The following THSD7B variants were observed in gnomAD, a reference collection of about 807,000 sequenced individuals.
The protein encoded by THSD7B is thrombospondin type 1 domain containing 7B.
THSD7B carries 138 observed loss-of-function variants against 213.6 expected under a neutral mutation model. The ratio of observed to expected loss-of-function variants is 0.65; its 90% CI spans 0.56 to 0.74. The LOEUF is 0.74. Ranked by LOEUF, THSD7B falls within the 30% of genes least tolerant of loss-of-function variation. THSD7B has a pLI of 0.00. For missense variants in THSD7B, 1,931 were observed against 1,991.5 expected (o/e 0.97, Z 0.58); for synonymous variants, 742 against 687.0 (o/e 1.08, Z -1.25).
At chr2:136,916,137 T>A (rs1438520592) in intron 2 of THSD7B, among the ~76,000 whole-genome samples, 1 of 151,976 alleles carries the variant, frequency 6.6e-6, no homozygotes, top group Non-Finnish European at 1.5e-5. Context: ...CTTGTTTTTA[T>A]TTTTTTTAAT....
At chr2:137,319,213 GT>G (rs2104876498) in intron 12 of THSD7B, among the ~76,000 whole-genome samples, 1 of 151,254 alleles carries the variant, frequency 6.6e-6, no homozygotes, top group East Asian at 1.9e-4. Context: ...TATACTGTAA[GT>G]ATATATTTCT....
At chr2:137,330,910 G>A (rs558120473) in intron 12 of THSD7B, among the ~76,000 whole-genome samples, 11 of 152,234 alleles carry the variant, frequency 7.2e-5, no homozygotes, top group Admixed American at 6.5e-4. Flanking sequence ...GCGCTGATTG[G>A]TGCATTTACA....
intron 2 of THSD7B, among the ~76,000 whole-genome samples, chr2:136,987,784 T>C (rs548363555): frequency 6.6e-6 from 1 of 152,292 alleles, no homozygotes; most frequent in East Asian, 1.9e-4. Flanking sequence ...CACTTTCCAT[T>C]TGACAAAAAG....
chr2:137,606,254 G>A (rs1360723455), intron 17 of THSD7B, among the ~76,000 whole-genome samples: 1 of 152,170 alleles, frequency 6.6e-6, no homozygotes, highest in African/African-American at 2.4e-5. Context: ...AATACATCCT[G>A]TATGAGGAGA....
At chr2:137,270,020 C>A (rs1477817191) in intron 10 of THSD7B, among the ~76,000 whole-genome samples, 1 of 152,004 alleles carries the variant, frequency 6.6e-6, no homozygotes, top group African/African-American at 2.4e-5. Flanking sequence ...TGGTTTAGGA[C>A]CTGGGCTAGT....
At chr2:137,047,132 G>T (rs1686985751) in intron 2 of THSD7B, among the ~76,000 whole-genome samples, 1 of 152,178 alleles carries the variant, frequency 6.6e-6, no homozygotes, top group Non-Finnish European at 1.5e-5. Context: ...GATTCTTGAA[G>T]GCGGAATGGG....
intron 20 of THSD7B, among the ~76,000 whole-genome samples, chr2:137,640,248 T>C (rs535818730): frequency 3.3e-5 from 5 of 152,264 alleles, no homozygotes; most frequent in African/African-American, 1.2e-4. Flanking sequence ...TATCAGGGGT[T>C]TCCGCTTTTG....
chr2:137,520,228 A>AT (rs1213402798), intron 15 of THSD7B, among the ~76,000 whole-genome samples: 1 of 152,188 alleles, frequency 6.6e-6, no homozygotes, highest in Non-Finnish European at 1.5e-5. Flanking sequence ...AGGAAAAAAA[A>AT]GCTCTTGGAT....
chr2:137,246,534 A>T (rs997812126), intron 10 of THSD7B, among the ~76,000 whole-genome samples: 1 of 152,162 alleles, frequency 6.6e-6, no homozygotes, highest in African/African-American at 2.4e-5. Flanking sequence ...TCCCGGCTTG[A>T]TTCAAGAGCT....
At chr2:137,355,011 A>G (rs185236879) in intron 12 of THSD7B, among the ~76,000 whole-genome samples, 23 of 152,340 alleles carry the variant, frequency 1.5e-4, no homozygotes, top group South Asian at 8.3e-4. Flanking sequence ...CAAAGTAAAC[A>G]GCCAAATCAA....
At chr2:137,503,749 G>A (rs1055382007) in intron 15 of THSD7B, among the ~76,000 whole-genome samples, 3 of 152,052 alleles carry the variant, frequency 2.0e-5, no homozygotes, top group Admixed American at 2.0e-4. Context: ...AAAGTGAGCC[G>A]GGCGCGGTAG....
intron 2 of THSD7B, among the ~76,000 whole-genome samples, chr2:136,977,011 T>G (rs1685492106): frequency 6.6e-6 from 1 of 152,194 alleles, no homozygotes; most frequent in African/African-American, 2.4e-5. Context: ...TCCCTCCTTT[T>G]AAATTGTTTG....
intron 5 of THSD7B, among the ~76,000 whole-genome samples, chr2:137,147,726 C>A (rs2104971220): frequency 6.6e-6 from 1 of 152,218 alleles, no homozygotes; most frequent in South Asian, 2.1e-4. Flanking sequence ...GCTTGATTCA[C>A]CCCGTGGGCT....
chr2:137,454,591 G>C (rs1392231662), intron 15 of THSD7B, among the ~76,000 whole-genome samples: 1 of 151,996 alleles, frequency 6.6e-6, no homozygotes, highest in South Asian at 2.1e-4. Context: ...ATAGAGCTTT[G>C]TTTGATGTTA....
chr2:137,296,151 CT>C (rs1174558993), intron 12 of THSD7B, among the ~76,000 whole-genome samples: 1 of 152,062 alleles, frequency 6.6e-6, no homozygotes, highest in Non-Finnish European at 1.5e-5. Flanking sequence ...TTGCAAATTT[CT>C]TTTGCATGTT....
At chr2:137,146,777 A>G (rs1047251079) in intron 5 of THSD7B, among the ~76,000 whole-genome samples, 16 of 152,270 alleles carry the variant, frequency 1.1e-4, no homozygotes, top group Middle Eastern at 6.8e-3. Flanking sequence ...GGAGGAAAAG[A>G]CAATTAGGAA....
intron 17 of THSD7B, among the ~76,000 whole-genome samples, chr2:137,604,767 T>G (rs1682140891): frequency 6.6e-6 from 1 of 152,210 alleles, no homozygotes; most frequent in Non-Finnish European, 1.5e-5. Flanking sequence ...CTAATATCTT[T>G]TCCATTTTGG....
chr2:136,939,522 T>G (rs1435196881), intron 2 of THSD7B, among the ~76,000 whole-genome samples: 1 of 152,174 alleles, frequency 6.6e-6, no homozygotes, highest in African/African-American at 2.4e-5. Context: ...AGAATTCCTG[T>G]CAGGTTGGAT....
chr2:136,906,265 C>T (rs1008261257), intron 2 of THSD7B, among the ~76,000 whole-genome samples: 1 of 152,132 alleles, frequency 6.6e-6, no homozygotes, highest in South Asian at 2.1e-4. Context: ...AGCTTCCTAA[C>T]TTTAAATACC....
Sources: gnomAD v4.1 joint callset for allele counts (sites outside exome capture counted in the v4.1 genomes callset) on GRCh38, gnomAD v4.1.1 for gene constraint, MANE v1.5 for transcripts, NCBI Gene and HGNC (gene_info 2026-07-23, HGNC 2026-07-21) for gene names.